Variants in LAMC3 observed in about 807,000 individuals in gnomAD.
The protein encoded by LAMC3 is laminin subunit gamma 3.
Under a neutral mutation model 173.8 loss-of-function variants are expected in LAMC3, and 128 were observed. That is an observed-to-expected ratio of 0.74 (90% confidence interval 0.64 to 0.85). LAMC3 has a LOEUF of 0.85. Ranked by LOEUF, LAMC3 falls within the 40% of genes least tolerant of loss-of-function variation. The pLI is 0.00. For missense variants in LAMC3, 2,022 were observed against 2,156.0 expected, an observed-to-expected ratio of 0.94 and a Z score of 1.23; for synonymous variants, 897 against 909.1, an observed-to-expected ratio of 0.99 and a Z score of 0.24.
intron 1 of LAMC3, among the ~76,000 whole-genome samples, chr9:131,015,860 G>T (rs575595374): frequency 6.6e-6 from 1 of 152,130 alleles, no homozygotes. Flanking sequence ...GTTTCACCAT[G>T]TTGGCCAGAC....
chr9:131,087,655 C>G, intron 26 of LAMC3, 33 bp downstream of exon 26: 2 of 1,613,830 alleles, frequency 1.2e-6, no homozygotes, highest in Non-Finnish European at 1.7e-6. Context: ...CCTATCGCCT[C>G]CTGCCCCTGG....
chr9:131,067,202 A>G lies in LAMC3; in HGVS notation c.2590A>G (p.Met864Val), dbSNP rs760455223. ...ALAPRPADKC[M>V]PCSCHPQGSV... The stretch of plus-strand genomic sequence containing the variant: ...GGCCCCTCGACCCGCAGACAAATGC[A>G]TGCGTGAGTACCTACCTCCAGACCC... Residue 864 changes from methionine to valine, a missense_variant, in exon 14 of 28, where the codon ATG becomes GTG. Met to Val is a conservative substitution (Grantham distance 21). Coordinates refer to ENST00000361069, the MANE Select transcript of LAMC3 (RefSeq NM_006059.4). 51 of 1,613,034 alleles carry G rather than the reference A, an allele frequency of 3.2e-5. No homozygotes were observed. The highest frequency in any genetic ancestry group is 8.8e-5 in the South Asian group (8 of 91,074).
In LAMC3 at chr9:131,029,339, C is replaced by G. The variant is rs144299045; in HGVS notation, c.679-2706C>G. Among the ~76,000 whole-genome samples the G allele has an allele frequency of 7.2e-5, 11 of 152,340 alleles. No individual in the cohort carries two copies. In the East Asian group the frequency reaches 2.1e-3, roughly 29 times the overall value. On this transcript the variant is annotated intron_variant, in intron 2 of 27. Coordinates refer to ENST00000361069, the MANE Select transcript of LAMC3 (RefSeq NM_006059.4). This position sits in a 1 kb window ranked among gnomAD's most constrained non-coding sequence, Gnocchi z 4.6. Reference sequence around the variant, plus strand: ...ATTTCTTCTCCACGGGGCTCCAAAGCTCTGTAGATTAGAAAACGTCACCCG... The same window carrying G: ...ATTTCTTCTCCACGGGGCTCCAAAGGTCTGTAGATTAGAAAACGTCACCCG...
chr9:131,085,333 G>A (rs1052798483), intron 24 of LAMC3, among the ~76,000 whole-genome samples, 191 bp from the exon 25 acceptor site: 4 of 152,186 alleles, frequency 2.6e-5, no homozygotes, highest in African/African-American at 9.6e-5. Flanking sequence ...CAAGCAGTAT[G>A]TCTGTGTCTC....
chr9:131,047,081 C>T (rs568163159), intron 8 of LAMC3, among the ~76,000 whole-genome samples: 3 of 151,828 alleles, frequency 2.0e-5, no homozygotes, highest in Admixed American at 6.6e-5. Context: ...TGGGTGTGGC[C>T]GGCCCTTCAG....
At chr9:131,010,554 G>C (rs1302490458) in intron 1 of LAMC3, among the ~76,000 whole-genome samples, 1 of 152,254 alleles carries the variant, frequency 6.6e-6, no homozygotes, top group Non-Finnish European at 1.5e-5. Context: ...CTCTAGGGCA[G>C]GGGCTCCTGA....
intron 1 of LAMC3, among the ~76,000 whole-genome samples, chr9:131,018,219 C>G (rs1447354293): frequency 1.3e-5 from 2 of 150,742 alleles, no homozygotes; most frequent in Non-Finnish European, 3.0e-5. Context: ...ACTGCAACCT[C>G]TGCCTCCTAC....
intron 7 of LAMC3, among the ~76,000 whole-genome samples, chr9:131,044,002 A>G (rs762700259): frequency 1.1e-4 from 16 of 142,428 alleles, no homozygotes; most frequent in Non-Finnish European, 2.3e-4. Context: ...TCTTTTGCTC[A>G]GGCTGGAGTG....
chr9:131,036,062 T>G, intron 3 of LAMC3, 104 bp from the exon 4 acceptor site: 1 of 1,178,192 alleles, frequency 8.5e-7, no homozygotes, highest in Admixed American at 1.7e-5. Flanking sequence ...AGATTGAGGG[T>G]GGAGTCTGGC....
At chr9:131,055,729 T>C (rs1466998432) in intron 11 of LAMC3, among the ~76,000 whole-genome samples, 1 of 151,920 alleles carries the variant, frequency 6.6e-6, no homozygotes, top group African/African-American at 2.4e-5. Context: ...CCGGCCCATT[T>C]TTTTTTCCAA....
chr9:131,037,602 C>T lies in LAMC3; in HGVS notation c.977-1262C>T, dbSNP rs189762165. Reference sequence around the variant, plus strand: ...CACTGCAGCCTCGAATTCCTGGGTGCGTGTTCCTCCTACCTCAGCCACTAG... The same window carrying T: ...CACTGCAGCCTCGAATTCCTGGGTGTGTGTTCCTCCTACCTCAGCCACTAG... On this transcript the variant is annotated intron_variant, in intron 4 of 27. Coordinates refer to ENST00000361069, the MANE Select transcript of LAMC3 (RefSeq NM_006059.4). Among the ~76,000 whole-genome samples the T allele has an allele frequency of 8.3e-3, 1,256 of 152,214 alleles. 35 individuals carry two copies. The highest frequency in any genetic ancestry group is 5.7e-3 in the Non-Finnish European group (388 of 67,988).
intron 7 of LAMC3, among the ~76,000 whole-genome samples, chr9:131,044,441 CAG>C (rs1369455878): frequency 6.6e-6 from 1 of 152,098 alleles, no homozygotes; most frequent in Non-Finnish European, 1.5e-5. Flanking sequence ...ACCCGGGAGA[CAG>C]AGGTTACAGT....
intron 1 of LAMC3, among the ~76,000 whole-genome samples, chr9:131,015,106 T>C (rs1833496373): frequency 6.6e-6 from 1 of 152,218 alleles, no homozygotes; most frequent in Non-Finnish European, 1.5e-5. Flanking sequence ...AGGCACTACA[T>C]TGCACAGTCA....
In LAMC3 at chr9:131,045,249, A is replaced by AT. The variant is rs199957177; in HGVS notation, c.1383-275_1383-274insT. Among the ~76,000 whole-genome samples, 1,678 of 148,712 alleles carry AT rather than the reference A, an allele frequency of 0.011. 35 individuals carry two copies. Among genetic ancestry groups the AT allele is most frequent in the African/African-American group, 0.038 (1,560 of 40,806 alleles). ...AAAAAAAAAAAAACAACAACAACAA[A>AT]AAAACAAAACCTAATAAAGTCTGGA... On this transcript the variant is annotated intron_variant, in intron 7 of 27. Coordinates refer to ENST00000361069, the MANE Select transcript of LAMC3 (RefSeq NM_006059.4).
In LAMC3 at chr9:131,073,224, C is replaced by T. The variant is rs1830066583; in HGVS notation, c.3418-21C>T. The T allele has an allele frequency of 2.5e-6, 4 of 1,596,076 alleles. No individual in the cohort carries two copies. In the Middle Eastern group the frequency reaches 5.0e-4, roughly 198 times the overall value. Reference sequence around the variant, plus strand: ...TTGGCGATGGGCCATCAGTTTCCTCCTCTTCCTCTTCTTTCTACAGGAGAT... The same window carrying T: ...TTGGCGATGGGCCATCAGTTTCCTCTTCTTCCTCTTCTTTCTACAGGAGAT... On this transcript the variant is annotated intron_variant, in intron 19 of 27. Coordinates refer to ENST00000361069, the MANE Select transcript of LAMC3 (RefSeq NM_006059.4).
chr9:131,014,300 G>A (rs569994228), intron 1 of LAMC3, among the ~76,000 whole-genome samples: 2 of 152,286 alleles, frequency 1.3e-5, no homozygotes, highest in African/African-American at 2.4e-5. Context: ...TCGGCCCAGC[G>A]CACTTCTCCT....
rs557457639 is a variant in LAMC3 at position 131,068,765 on chromosome 9, G to T, written c.2748-143G>T. On this transcript the variant is annotated intron_variant, in intron 15 of 27. Transcript: ENST00000361069. Reference sequence around the variant, plus strand: ...TTGTGCTTTCCAGAGCACAGCTGGGGAAGCTGTGCCATGCACCGAGAGGAG... The same window carrying T: ...TTGTGCTTTCCAGAGCACAGCTGGGTAAGCTGTGCCATGCACCGAGAGGAG... 6.6e-4 allele frequency: 523 copies of T among 791,448 alleles called. 1 individual carries two copies. Among genetic ancestry groups the T allele is most frequent in the Admixed American group, 9.9e-4 (35 of 35,484 alleles). 49.0% of individuals were successfully genotyped at this position (791,448 alleles called of 1,614,324 possible).
intron 8 of LAMC3, 91 bp from the exon 9 acceptor site, chr9:131,048,929 C>T: frequency 1.4e-6 from 1 of 725,708 alleles, no homozygotes; most frequent in Non-Finnish European, 2.3e-6. Context: ...GGGGCTCCCT[C>T]CTACCCCAGG....
chr9:131,086,889 G>GAA (rs199984134), intron 25 of LAMC3, among the ~76,000 whole-genome samples: 8 of 138,354 alleles, frequency 5.8e-5, no homozygotes, highest in South Asian at 2.3e-4. Context: ...ACTCTGCCTC[G>GAA]AAAAAAAAAA....
Sources: gnomAD v4.1 joint callset for allele counts (sites outside exome capture counted in the v4.1 genomes callset) on GRCh38, gnomAD v4.1.1 for gene constraint, Gnocchi (gnomAD v3.1) non-coding constraint, MANE v1.5 for transcripts, NCBI Gene and HGNC (gene_info 2026-07-23, HGNC 2026-07-21) for gene names.